The following OSBPL10 variants were observed in gnomAD, a reference collection of about 807,000 sequenced individuals.
The protein encoded by OSBPL10 is oxysterol binding protein like 10.
In OSBPL10, 49 loss-of-function variants were observed where a neutral mutation model predicts 81.7. That is an observed-to-expected ratio of 0.60 (90% CI 0.48 to 0.76). The LOEUF (loss-of-function observed/expected upper bound fraction) is 0.76, where lower values mean the gene tolerates loss of function less well. OSBPL10 is among the 30% of genes least tolerant of loss of function. OSBPL10 has a pLI of 0.00. For missense variants in OSBPL10, 923 were observed against 987.8 expected, an observed-to-expected ratio of 0.93 and a Z score of 0.88; for synonymous variants, 419 against 383.6, an observed-to-expected ratio of 1.09 and a Z score of -1.08.
intron 1 of OSBPL10, among the ~76,000 whole-genome samples, chr3:31,883,539 G>GTT (rs1695649584): frequency 1.0e-5 from 1 of 96,672 alleles, no homozygotes; most frequent in South Asian, 3.7e-4. Flanking sequence ...TTTTTTTTTT[G>GTT]TTGTTTTTTT....
At chr3:31,999,039 G>T (rs920250240) in intron 2 of OSBPL10, among the ~76,000 whole-genome samples, 3 of 152,204 alleles carry the variant, frequency 2.0e-5, no homozygotes, top group African/African-American at 7.2e-5. Context: ...TTACAAATTT[G>T]TATCAGCCAG....
Position 31,766,136 on chromosome 3 carries a change from A to G in OSBPL10, c.730-18016T>C, listed in dbSNP as rs189159377. Among the ~76,000 whole-genome samples the G allele has an allele frequency of 7.9e-5, 12 of 152,024 alleles. No homozygotes were observed. In the East Asian group the frequency reaches 1.7e-3, roughly 22 times the overall value. ...ACCCAATCCTCTAGTTTCTTCTCCT[A>G]ATTCAGATGAGAGAAAGTGAGTTTA... On this transcript the variant is annotated intron_variant, in intron 4 of 11. Transcript: ENST00000396556.
At chr3:31,904,688 T>A (rs1285587559) in intron 1 of OSBPL10, among the ~76,000 whole-genome samples, 4 of 152,092 alleles carry the variant, frequency 2.6e-5, no homozygotes, top group Non-Finnish European at 2.9e-5. Context: ...TGGGAACACA[T>A]AATCCCAAAC....
intron 4 of OSBPL10, among the ~76,000 whole-genome samples, chr3:31,814,142 A>G (rs13075163): frequency 0.73 from 111,210 of 152,094 alleles, 40,947 homozygotes; most frequent in East Asian, 0.95. Flanking sequence ...AGCTCCAACA[A>G]GACTACCGCT....
intron 4 of OSBPL10, among the ~76,000 whole-genome samples, chr3:31,754,095 G>T (rs961905935): frequency 1.3e-5 from 2 of 151,874 alleles, no homozygotes; most frequent in South Asian, 4.1e-4. Context: ...TTCTACCTTC[G>T]CCCTTTAATT....
intron 4 of OSBPL10, among the ~76,000 whole-genome samples, chr3:31,774,033 G>C (rs749913530): frequency 6.6e-6 from 1 of 151,958 alleles, no homozygotes; most frequent in Non-Finnish European, 1.5e-5. Context: ...GTGGTGGCAC[G>C]CGCCTGTAAT....
At chr3:31,960,654 C>T (rs892335087) in intron 1 of OSBPL10, among the ~76,000 whole-genome samples, 13 of 152,120 alleles carry the variant, frequency 8.5e-5, no homozygotes, top group African/African-American at 2.7e-4. Flanking sequence ...TTCTCCTCTA[C>T]GTCTCTCTCT....
intron 2 of OSBPL10, among the ~76,000 whole-genome samples, chr3:32,022,217 G>A (rs1459551166): frequency 6.6e-6 from 1 of 152,118 alleles, no homozygotes; most frequent in African/African-American, 2.4e-5. Flanking sequence ...CCGAACTGGG[G>A]TCTCTCACTT....
In OSBPL10 at chr3:31,980,908, C is replaced by G; in HGVS notation, c.272G>C (p.Trp91Ser). Residue 91 changes from tryptophan to serine, a missense_variant, in exon 1 of 12, where the codon TGG becomes TCG. Physicochemically the swap from Trp to Ser is radical, Grantham distance 177. Coordinates refer to ENST00000396556, the MANE Select transcript of OSBPL10 (RefSeq NM_017784.5). The part of the protein sequence containing the change: ...LSKYTNLLQG[W>S]QNRYFVLDFE... ...GCGGCTGGCGCGTTACCTGTTCTGC[C>G]AGCCCTGGAGGAGGTTGGTGTATTT... The G allele has an allele frequency of 6.4e-7, 1 of 1,573,758 alleles. No homozygotes were observed. The highest frequency in any genetic ancestry group is 8.6e-7 in the Non-Finnish European group (1 of 1,163,478).
intron 4 of OSBPL10, among the ~76,000 whole-genome samples, chr3:31,808,348 G>T (rs188282133): frequency 1.4e-4 from 21 of 152,334 alleles, no homozygotes; most frequent in Admixed American, 3.3e-4. Flanking sequence ...CTGAGGTCTT[G>T]TCAGGTGTCA....
chr3:31,663,840 T>C (rs1201055605), intron 11 of OSBPL10: 1 of 1,413,780 alleles, frequency 7.1e-7, no homozygotes, highest in East Asian at 2.7e-5. Context: ...GACATAGGGA[T>C]ACTGGAGGGG....
At chr3:31,760,799 A>G (rs1164445749) in intron 4 of OSBPL10, among the ~76,000 whole-genome samples, 3 of 152,222 alleles carry the variant, frequency 2.0e-5, no homozygotes, top group Non-Finnish European at 4.4e-5. Flanking sequence ...AGAACATTTC[A>G]TCACATAAAT....
intron 1 of OSBPL10, chr3:32,066,616 G>A (rs558224167): frequency 1.3e-5 from 2 of 152,354 alleles, no homozygotes; most frequent in South Asian, 4.1e-4. Flanking sequence ...GCCATGCCGA[G>A]AGTACCCAAG....
At chr3:31,986,088 G>A (rs114736026), upstream of OSBPL10, among the ~76,000 whole-genome samples, 61 of 152,264 alleles carry the variant, frequency 4.0e-4, no homozygotes, top group African/African-American at 1.4e-3. Context: ...ACAGCTCAGT[G>A]CCTGGAATTC....
chr3:32,069,541 C>CTTAG (rs1559558068), intron 1 of OSBPL10, among the ~76,000 whole-genome samples: 2 of 152,214 alleles, frequency 1.3e-5, no homozygotes, highest in Admixed American at 1.3e-4. Flanking sequence ...AACAGCAACC[C>CTTAG]TTAGACGCTT....
chr3:31,716,497 G>T (rs78763326), intron 6 of OSBPL10, among the ~76,000 whole-genome samples: 2,356 of 152,270 alleles, frequency 0.015, 38 homozygotes, highest in South Asian at 0.035. Flanking sequence ...ATTTGAGAAG[G>T]TCTGCTCTAA....
intron 1 of OSBPL10, among the ~76,000 whole-genome samples, chr3:31,926,289 G>GACCCCCCCCC (rs1553641096): frequency 7.7e-6 from 1 of 130,114 alleles, no homozygotes; most frequent in African/African-American, 3.1e-5. Flanking sequence ...GGGTGATTTT[G>GACCCCCCCCC]CCCCCCCAGA....
chr3:31,738,008 AAAAAAG>A lies in OSBPL10; in HGVS notation c.941-4603_941-4598del, dbSNP rs1270666996. Among the ~76,000 whole-genome samples the A allele has an allele frequency of 5.6e-4, 71 of 126,506 alleles. 1 individual carries two copies. The highest frequency in any genetic ancestry group is 3.8e-3 in the Admixed American group (41 of 10,820). 83.0% of individuals were successfully genotyped at this position (126,506 alleles called of 152,430 possible). A position where few individuals can be genotyped will look rare whatever the true frequency, so the allele number is the denominator to read the frequency against. On this transcript the variant is annotated intron_variant, in intron 5 of 11. Coordinates refer to ENST00000396556, the MANE Select transcript of OSBPL10 (RefSeq NM_017784.5). ...CAGCAAGACTCTGTCTCAAAAAAAA[AAAAAAG>A]AAAGACAATACAGAAGATGCACAAC...
rs565561841 is a variant in OSBPL10 at position 31,689,183 on chromosome 3, C to A, written c.1246-5069G>T. ...AAAACAAAAATGAAAGCAAAGAAAA[C>A]CTGACTTGAACTCTTCAGTATCACT... On this transcript the variant is annotated intron_variant, in intron 7 of 11. Transcript: ENST00000396556. 2.6e-5 allele frequency among the ~76,000 whole-genome samples: 4 copies of A among 151,190 alleles called. No homozygotes were observed. The East Asian group carries it at 7.8e-4, about 29-fold the overall frequency.
Sources: allele counts gnomAD v4.1 joint callset (sites outside exome capture counted in the v4.1 genomes callset), GRCh38; gene constraint gnomAD v4.1.1; transcripts MANE v1.5; gene names NCBI Gene and HGNC (gene_info 2026-07-23, HGNC 2026-07-21).